NSD2: variants seen among roughly 807,000 people sequenced by gnomAD.
NSD2 encodes the protein nuclear receptor binding SET domain protein 2.
A neutral mutation model predicts 139.0 loss-of-function variants in NSD2; 12 were observed. That is an observed-to-expected ratio of 0.09 (90% CI 0.06 to 0.14). The LOEUF (loss-of-function observed/expected upper bound fraction) is 0.14, where lower values mean the gene tolerates loss of function less well. NSD2 is among the 10% of genes least tolerant of loss of function. NSD2 has a pLI of 1.00. For missense variants in NSD2, 1,155 were observed against 1,745.0 expected, an observed-to-expected ratio of 0.66 and a Z score of 6.02; for synonymous variants, 669 against 648.7, an observed-to-expected ratio of 1.03 and a Z score of -0.48.
intron 8 of NSD2, among the ~76,000 whole-genome samples, chr4:1,938,895 C>T (rs769097178): frequency 5.3e-5 from 8 of 152,122 alleles, no homozygotes; most frequent in Non-Finnish European, 1.0e-4. Context: ...CCCTTCAGTA[C>T]CCTGACCCTC....
intron 3 of NSD2, among the ~76,000 whole-genome samples, chr4:1,906,457 C>G (rs1034269615): frequency 1.3e-5 from 2 of 151,404 alleles, no homozygotes; most frequent in African/African-American, 4.9e-5. Flanking sequence ...CCCAGTTGGT[C>G]TCAAACTCCT....
At chr4:1,890,235 CT>C in intron 1 of NSD2, among the ~76,000 whole-genome samples, 1 of 152,150 alleles carries the variant, frequency 6.6e-6, no homozygotes, top group South Asian at 2.1e-4. Flanking sequence ...AGTTGGGTTG[CT>C]TTTTGCTATT....
chr4:1,943,495 C>G, intron 9 of NSD2: 1 of 1,047,210 alleles, frequency 9.5e-7, no homozygotes, highest in Non-Finnish European at 1.2e-6. Flanking sequence ...AAGTGGTCCT[C>G]TTGACTGCAT....
intron 1 of NSD2, among the ~76,000 whole-genome samples, chr4:1,872,564 T>TTGTGTGTGTG (rs752377919): frequency 3.9e-4 from 39 of 101,148 alleles, no homozygotes; most frequent in East Asian, 2.5e-3. Flanking sequence ...AACGTGTATT[T>TTGTGTGTGTG]TGTGTGTGTG....
rs1723855601 is a variant in NSD2, at chr4:1,948,362, T to C, written c.1882-2710T>C. 1.1e-5 allele frequency: 12 copies of C among 1,065,874 alleles called. No homozygotes were observed. The highest frequency in any genetic ancestry group is 1.6e-5 in the African/African-American group (1 of 60,938). The allele number at this position is 1,065,874 out of a possible 1,614,324, so 66.0% of individuals were successfully genotyped here. On this transcript the variant is annotated intron_variant, in intron 9 of 21. Coordinates refer to ENST00000508803, the MANE Select transcript of NSD2 (RefSeq NM_001042424.3). This position sits in a 1 kb window ranked among gnomAD's most constrained non-coding sequence, Gnocchi z 4.5. ...TGGGACTATGTTGGGACCGTACAGG[T>C]GAATGTGCCACCTCCACAAATGGCT...
intron 1 of NSD2, among the ~76,000 whole-genome samples, chr4:1,891,780 A>C (rs961172046): frequency 1.3e-5 from 2 of 151,146 alleles, no homozygotes; most frequent in African/African-American, 2.4e-5. Flanking sequence ...TGGCGTGAAC[A>C]CGGGAGGCGG....
chr4:1,966,650 C>CTT (rs2108994612), intron 18 of NSD2, among the ~76,000 whole-genome samples: 1 of 142,312 alleles, frequency 7.0e-6, no homozygotes, highest in East Asian at 2.0e-4. Context: ...GAGCAAGACT[C>CTT]TGTCTCAAAA....
At chr4:1,929,635 T>C (rs1284683537) in intron 5 of NSD2, among the ~76,000 whole-genome samples, 2 of 152,186 alleles carry the variant, frequency 1.3e-5, no homozygotes, top group Non-Finnish European at 2.9e-5. Context: ...CAGTAAAACT[T>C]TGTGGGCACT....
chr4:1,890,682 A>G (rs187799322), intron 1 of NSD2, among the ~76,000 whole-genome samples: 4 of 148,908 alleles, frequency 2.7e-5, no homozygotes, highest in East Asian at 2.0e-4. Flanking sequence ...GCTCACTGCA[A>G]CCTCCGCCTC....
Position 1,918,067 on chromosome 4 carries a change from C to T in NSD2, c.928-74C>T, listed in dbSNP as rs1331854345. ...AAGTGCTGGAATTATAGGCATGAAT[C>T]ATGTGCCTAGGAAAAGTAGTTAACT... On this transcript the variant is annotated intron_variant, in intron 4 of 21. Coordinates refer to ENST00000508803, the MANE Select transcript of NSD2 (RefSeq NM_001042424.3). 8 of 1,518,100 alleles carry T rather than the reference C, an allele frequency of 5.3e-6. No individual in the cohort carries two copies. The Admixed American group carries it at 1.4e-4, about 27-fold the overall frequency. The allele number at this position is 1,518,100 out of a possible 1,614,324, so 94.0% of individuals were successfully genotyped here. A position where few individuals can be genotyped will look rare whatever the true frequency, so the allele number is the denominator to read the frequency against.
intron 10 of NSD2, 90 bp from the exon 11 acceptor site, chr4:1,952,018 A>C (rs1724317338): frequency 1.3e-6 from 2 of 1,531,244 alleles, no homozygotes. Flanking sequence ...ATTTTCTGCC[A>C]CTGGAGACAG....
intron 15 of NSD2, among the ~76,000 whole-genome samples, chr4:1,957,698 C>T (rs778131911): frequency 6.6e-6 from 1 of 152,134 alleles, no homozygotes; most frequent in Non-Finnish European, 1.5e-5. Flanking sequence ...GAACTCTGCC[C>T]TGGGCCTGTC....
intron 18 of NSD2, among the ~76,000 whole-genome samples, chr4:1,962,188 C>T (rs536096462): frequency 1.1e-4 from 16 of 152,274 alleles, no homozygotes; most frequent in South Asian, 1.0e-3. Context: ...GAGCCTGCTC[C>T]GGGGGAGCAC....
At position 1,976,792 on chromosome 4, in the gene NSD2, G is replaced by A. The variant is rs773246822; in HGVS notation, c.3826+113G>A. 198 of 1,158,808 alleles carry A rather than the reference G, an allele frequency of 1.7e-4. No individual in the cohort carries two copies. Among genetic ancestry groups the A allele is most frequent in the Middle Eastern group, 2.9e-4 (1 of 3,402 alleles). The allele number at this position is 1,158,808 out of a possible 1,614,324, so 71.8% of individuals were successfully genotyped here. On this transcript the variant is annotated intron_variant, in intron 21 of 21. Coordinates refer to ENST00000508803, the MANE Select transcript of NSD2 (RefSeq NM_001042424.3). This position sits in a 1 kb window ranked among gnomAD's most constrained non-coding sequence, Gnocchi z 5.3. The stretch of plus-strand genomic sequence containing the variant: ...GCCTCATCTGGGTGCAGGCACATCA[G>A]GCGCTCATGCAGCGAAGGCCCTGAT...
rs146940201 is a variant in NSD2, at chr4:1,938,301, C to T, written c.1675-150C>T. The T allele has an allele frequency of 2.6e-4, 162 of 616,828 alleles. 1 individual carries two copies. In the African/African-American group the frequency reaches 2.7e-3, roughly 10 times the overall value. 38.2% of individuals were successfully genotyped at this position (616,828 alleles called of 1,614,324 possible). A position where few individuals can be genotyped will look rare whatever the true frequency, so the allele number is the denominator to read the frequency against. On this transcript the variant is annotated intron_variant, in intron 7 of 21. Coordinates refer to ENST00000508803, the MANE Select transcript of NSD2 (RefSeq NM_001042424.3). ...TTTCCAAAGGAAGAAGTTTCTGCCA[C>T]GAAACTTTTCAGCAACCTGTGTTCA...
At chr4:1,889,498 A>G (rs948865298) in intron 1 of NSD2, among the ~76,000 whole-genome samples, 14 of 148,554 alleles carry the variant, frequency 9.4e-5, no homozygotes, top group Non-Finnish European at 1.0e-4. Context: ...CCCGGCCAAG[A>G]TTTGACTTTT....
At chr4:1,961,229 T>C (rs74431689) in intron 18 of NSD2, 78 bp downstream of exon 18, 2 of 1,213,308 alleles carry the variant, frequency 1.6e-6, no homozygotes, top group African/African-American at 1.5e-5. Context: ...AACTGGACTT[T>C]GCCCTGTGGC....
At chr4:1,923,604 CATACA>C (rs1339340598) in intron 5 of NSD2, among the ~76,000 whole-genome samples, 1 of 152,170 alleles carries the variant, frequency 6.6e-6, no homozygotes, top group Non-Finnish European at 1.5e-5. Context: ...TGGGACTCCT[CATACA>C]ATGCTGGTGA....
Position 1,918,313 on chromosome 4 carries a change from C to T in NSD2, c.1100C>T (p.Ala367Val), listed in dbSNP as rs1229281568. ...GTAGCCAAGGAGGCTGGCATTGCTG[C>T]AGAGTCTTTGGGAGAAATGGCAGAA... The part of the protein sequence containing the change: ...PQVAKEAGIA[A>V]ESLGEMAESS... The change falls in exon 5 of 22, where the codon GCA (alanine) becomes GTA (valine). Residue 367 changes from alanine to valine, a missense_variant. This residue lies in a region of NSD2 where 420 missense variants were observed against 469.0 expected (regional missense o/e 0.90). Coordinates refer to ENST00000508803, the MANE Select transcript of NSD2 (RefSeq NM_001042424.3). The T allele has an allele frequency of 6.2e-7, 1 of 1,614,060 alleles. No homozygotes were observed. The highest frequency in any genetic ancestry group is 1.1e-5 in the South Asian group (1 of 91,076).
Sources: gnomAD v4.1 joint callset for allele counts (sites outside exome capture counted in the v4.1 genomes callset) on GRCh38, gnomAD v4.1.1 for gene constraint, gnomAD v4.1.1 regional missense constraint, Gnocchi (gnomAD v3.1) non-coding constraint, MANE v1.5 for transcripts, NCBI Gene and HGNC (gene_info 2026-07-23, HGNC 2026-07-21) for gene names.